GPM6B: variants seen among roughly 807,000 people sequenced by gnomAD.
GPM6B encodes the protein glycoprotein M6B.
In GPM6B, 4 loss-of-function variants were observed where a neutral mutation model predicts 27.2. That is an observed-to-expected ratio of 0.15 (90% CI 0.07 to 0.34). The LOEUF (loss-of-function observed/expected upper bound fraction) is 0.34. Among genes scored for constraint, GPM6B ranks in the 10% least tolerant of loss-of-function variants. The pLI is 1.00. For synonymous variants in GPM6B, 124 were observed against 103.1 expected, an observed-to-expected ratio of 1.20 and a Z score of -1.23; for missense variants, 183 against 261.9, an observed-to-expected ratio of 0.70 and a Z score of 2.08.
intron 2 of GPM6B, among the ~76,000 whole-genome samples, chrX:13,806,114 C>A (rs1287989610): frequency 1.8e-5 from 2 of 111,537 alleles, no homozygotes; most frequent in Non-Finnish European, 3.8e-5. Flanking sequence ...TCGCCACAAT[C>A]TAATTTTAGA....
At chrX:13,860,438 G>GGT (rs1555922613) in intron 1 of GPM6B, among the ~76,000 whole-genome samples, 2 of 86,305 alleles carry the variant, frequency 2.3e-5, no homozygotes, top group East Asian at 3.8e-4. Context: ...AAAACGTGGG[G>GGT]TTTTTTTTTT....
intron 1 of GPM6B, among the ~76,000 whole-genome samples, chrX:13,831,846 T>C (rs766961766): frequency 9.8e-5 from 11 of 111,822 alleles, no homozygotes; most frequent in Non-Finnish European, 1.3e-4. Context: ...AAAGATATTT[T>C]ATAATAAAAT....
At chrX:13,848,365 C>T (rs747339659) in intron 1 of GPM6B, among the ~76,000 whole-genome samples, 1 of 111,718 alleles carries the variant, frequency 9.0e-6, no homozygotes, top group African/African-American at 3.3e-5. Flanking sequence ...CAACAAACCT[C>T]TCCATCTCAG....
chrX:13,807,695 G>T lies in GPM6B; in HGVS notation c.136C>A (p.Pro46Thr). The T allele has an allele frequency of 8.3e-7, 1 of 1,205,544 alleles. No homozygotes were observed. Among genetic ancestry groups the T allele is most frequent in the Non-Finnish European group, 1.1e-6 (1 of 890,320 alleles). The change falls in exon 2 of 8, where the codon CCC becomes ACC. Residue 46 changes from proline to threonine, a missense_variant. By Grantham distance (38) the Pro-to-Thr change is conservative (BLOSUM62 -1). Coordinates refer to ENST00000316715, the MANE Select transcript of GPM6B (RefSeq NM_001001995.3). The stretch of plus-strand genomic sequence containing the variant: ...GCCCTGTCCCCCAGGGTTGGCACGG[G>T]ATGGTACTGGTGGTTCTTTGAGCCT... ...YPGSKNHQYH[P>T]VPTLGDRASP...
chrX:13,818,547 A>T, upstream of GPM6B, among the ~76,000 whole-genome samples: 1 of 112,423 alleles, frequency 8.9e-6, no homozygotes, highest in Non-Finnish European at 1.9e-5. Context: ...GCTTGTTTCA[A>T]CGTTTAATTT....
chrX:13,917,500 C>T (rs1462101730), intron 1 of GPM6B, among the ~76,000 whole-genome samples: 1 of 112,121 alleles, frequency 8.9e-6, no homozygotes, highest in Non-Finnish European at 1.9e-5. Context: ...CGCAGCCTGC[C>T]ATTTTAAGTA....
At chrX:13,912,254 C>T (rs1462038053) in intron 1 of GPM6B, among the ~76,000 whole-genome samples, 2 of 112,219 alleles carry the variant, frequency 1.8e-5, no homozygotes, top group Non-Finnish European at 3.8e-5. Context: ...AAAGAAAGTA[C>T]AATTTTTGTG....
chrX:13,900,995 T>C (rs2050277340), intron 1 of GPM6B, among the ~76,000 whole-genome samples: 1 of 112,134 alleles, frequency 8.9e-6, no homozygotes, highest in Non-Finnish European at 1.9e-5. Context: ...AACCCCTGTA[T>C]GACTTGCAAT....
chrX:13,846,767 A>G (rs1324980164), intron 1 of GPM6B, among the ~76,000 whole-genome samples: 1 of 104,449 alleles, frequency 9.6e-6, no homozygotes, highest in Admixed American at 1.0e-4. Flanking sequence ...TGCTGGGATT[A>G]CAGGCGTGAG....
Position 13,777,429 on chromosome X carries a change from TA to T in GPM6B, c.698-5del. 1 of 1,169,746 alleles carries T rather than the reference TA, an allele frequency of 8.5e-7. No individual in the cohort carries two copies. Among genetic ancestry groups the T allele is most frequent in the Non-Finnish European group, 1.2e-6 (1 of 857,071 alleles). ...AAAGCATTCCAAGGAATGATACCTG[TA>T]AAATGAACCCCAATAGGATGTTAGT... On this transcript the variant is annotated splice_region_variant and splice_polypyrimidine_tract_variant and intron_variant, in intron 5 of 7. Coordinates refer to ENST00000316715, the MANE Select transcript of GPM6B (RefSeq NM_001001995.3).
chrX:13,872,642 G>C (rs922585723), intron 1 of GPM6B, among the ~76,000 whole-genome samples: 4 of 106,892 alleles, frequency 3.7e-5, no homozygotes, highest in Non-Finnish European at 5.8e-5. Context: ...GAGCGGACGA[G>C]ATGACCCAGC....
intron 1 of GPM6B, among the ~76,000 whole-genome samples, chrX:13,890,368 C>T (rs1453588911): frequency 8.9e-6 from 1 of 111,829 alleles, no homozygotes; most frequent in African/African-American, 3.3e-5. Flanking sequence ...CATAAAATGG[C>T]TCTATGGAGT....
At chrX:13,872,861 C>T (rs991420286) in intron 1 of GPM6B, among the ~76,000 whole-genome samples, 2 of 110,874 alleles carry the variant, frequency 1.8e-5, no homozygotes, top group Non-Finnish European at 3.8e-5. Flanking sequence ...ACCAGGACTA[C>T]GTGAGGCCAG....
At chrX:13,847,581 A>G (rs1413190511) in intron 1 of GPM6B, among the ~76,000 whole-genome samples, 4 of 111,825 alleles carry the variant, frequency 3.6e-5, no homozygotes, top group African/African-American at 1.3e-4. Context: ...CCACTCAGCT[A>G]TAAGTGGATT....
chrX:13,865,559 A>AAAAAAAAAAAAAAAAAAAAAAAGAAAG (rs34662549), intron 1 of GPM6B, among the ~76,000 whole-genome samples: 3 of 52,929 alleles, frequency 5.7e-5, no homozygotes, highest in Non-Finnish European at 1.1e-4. Flanking sequence ...AAAAAAAAAA[A>AAAAAAAAAAAAAAAAAAAAAAAGAAAG]AAAGAAAGAA....
intron 1 of GPM6B, among the ~76,000 whole-genome samples, chrX:13,934,352 C>G (rs1258281992): frequency 9.0e-6 from 1 of 111,662 alleles, no homozygotes; most frequent in Non-Finnish European, 1.9e-5. Context: ...TTGTCTCCCA[C>G]TGCATCTGAA....
intron 1 of GPM6B, among the ~76,000 whole-genome samples, chrX:13,875,388 G>A (rs1357880838): frequency 9.0e-6 from 1 of 111,690 alleles, no homozygotes; most frequent in Non-Finnish European, 1.9e-5. Flanking sequence ...AGGTGGAGGC[G>A]AGTCCTAACA....
At chrX:13,860,940 G>C (rs2049837845) in intron 1 of GPM6B, among the ~76,000 whole-genome samples, 1 of 108,700 alleles carries the variant, frequency 9.2e-6, no homozygotes, top group Non-Finnish European at 1.9e-5. Context: ...ATTCCATCCA[G>C]GTTGCCACGA....
chrX:13,866,154 G>A (rs1023625946), intron 1 of GPM6B, among the ~76,000 whole-genome samples: 9 of 111,592 alleles, frequency 8.1e-5, no homozygotes, highest in East Asian at 5.7e-4. Context: ...ACCTGAGGTC[G>A]GGAGTTTGAG....
Sources: gnomAD v4.1 joint callset for allele counts (sites outside exome capture counted in the v4.1 genomes callset) on GRCh38, gnomAD v4.1.1 for gene constraint, MANE v1.5 for transcripts, NCBI Gene and HGNC (gene_info 2026-07-23, HGNC 2026-07-21) for gene names.